The following TMPRSS9 variants were observed in gnomAD, a reference collection of about 807,000 sequenced individuals.
TMPRSS9 encodes the protein transmembrane protease serine 9.
In TMPRSS9, 113 loss-of-function variants were observed where a neutral mutation model predicts 111.4. The ratio of observed to expected loss-of-function variants is 1.01; its 90% CI spans 0.87 to 1.19. The LOEUF is 1.19. Among genes scored for constraint, TMPRSS9 ranks in the 50% most tolerant of loss-of-function variants. The probability of loss-of-function intolerance (pLI) is 0.00; values close to 1 mark genes in which losing one functional copy is unlikely to be tolerated. For synonymous variants in TMPRSS9, 805 were observed against 659.1 expected (o/e 1.22, Z -3.39); for missense variants, 1,803 against 1,513.1 (o/e 1.19, Z -3.18).
At chr19:2,376,409 G>A (rs1018397011) in intron 1 of TMPRSS9, among the ~76,000 whole-genome samples, 2 of 152,108 alleles carry the variant, frequency 1.3e-5, no homozygotes, top group African/African-American at 2.4e-5. Flanking sequence ...ATTAGGACCT[G>A]GATGTCAGAG....
At chr19:2,389,632 T>G, upstream of TMPRSS9, 2 of 860,624 alleles carry the variant, frequency 2.3e-6, no homozygotes, top group Admixed American at 2.9e-5. Flanking sequence ...CCTCCCAAAG[T>G]GCTGGGATGA....
intron 7 of TMPRSS9, among the ~76,000 whole-genome samples, chr19:2,407,769 C>T (rs113720895): frequency 0.059 from 8,834 of 149,974 alleles, 336 homozygotes; most frequent in African/African-American, 0.098. Context: ...AGGTGCACAT[C>T]GCCACACCCC....
At chr19:2,401,896 C>T in intron 4 of TMPRSS9, 79 bp from the exon 6 acceptor site, 1 of 1,349,978 alleles carries the variant, frequency 7.4e-7, no homozygotes, top group Non-Finnish European at 1.0e-6. Flanking sequence ...GTGTGAGCCA[C>T]CGCGCCCGGC....
intron 7 of TMPRSS9, among the ~76,000 whole-genome samples, chr19:2,406,142 C>G (rs1192431597): frequency 6.7e-6 from 1 of 150,324 alleles, no homozygotes; most frequent in African/African-American, 2.5e-5. Flanking sequence ...TCCCGAGTAG[C>G]TGGGAATACA....
rs765439744 is a variant in TMPRSS9, at chr19:2,425,057, G to A, written c.2773G>A (p.Ala925Thr). Residue 925 changes from alanine to threonine, a missense_variant, in exon 16 of 18, where the codon GCG becomes ACG. Ala to Thr is a moderately conservative substitution (Grantham distance 58). Transcript: ENST00000648592. ...CCTAGGCACGCCGTTCCTGAGCGGC[G>A]CGGAGGGGCAGCTGGAGCGCGTGGC... 119 of 1,566,894 alleles carry A rather than the reference G, an allele frequency of 7.6e-5. No homozygotes were observed. Among genetic ancestry groups the A allele is most frequent in the Non-Finnish European group, 9.9e-5 (115 of 1,164,244 alleles).
At chr19:2,399,272 C>A in intron 4 of TMPRSS9, 79 bp downstream of exon 5, 1 of 1,471,518 alleles carries the variant, frequency 6.8e-7, no homozygotes, top group Non-Finnish European at 9.0e-7. Flanking sequence ...ATTTTGATAA[C>A]CACCCCTTCC....
intron 16 of TMPRSS9, 44 bp from the exon 18 acceptor site, chr19:2,425,313 C>T (rs1432436092): frequency 1.6e-6 from 2 of 1,251,900 alleles, no homozygotes; most frequent in Non-Finnish European, 2.0e-6. Flanking sequence ...GGGGGGCGGC[C>T]GGACGCGGTC....
At chr19:2,374,616 G>C (rs1219796672) in intron 1 of TMPRSS9, among the ~76,000 whole-genome samples, 1 of 151,990 alleles carries the variant, frequency 6.6e-6, no homozygotes, top group Non-Finnish European at 1.5e-5. Context: ...TCAAAAACAG[G>C]GTCTTTGTTT....
At chr19:2,393,998 T>G (rs1460789826) in intron 1 of TMPRSS9, among the ~76,000 whole-genome samples, 1 of 151,196 alleles carries the variant, frequency 6.6e-6, no homozygotes, top group African/African-American at 2.4e-5. Flanking sequence ...GTCAGGAGAT[T>G]GAAACCATCC....
At chr19:2,385,309 C>T (rs1970457143), upstream of TMPRSS9, among the ~76,000 whole-genome samples, 1 of 152,116 alleles carries the variant, frequency 6.6e-6, no homozygotes, top group Non-Finnish European at 1.5e-5. Flanking sequence ...CCTGTTACAT[C>T]CCTCAGGGGC....
At chr19:2,406,476 G>A (rs531475373) in intron 7 of TMPRSS9, among the ~76,000 whole-genome samples, 13 of 148,654 alleles carry the variant, frequency 8.7e-5, no homozygotes, top group South Asian at 6.4e-4. Context: ...ACAGGTGCAC[G>A]CCACCATGCC....
intron 7 of TMPRSS9, among the ~76,000 whole-genome samples, chr19:2,407,896 G>C (rs1447799129): frequency 3.3e-5 from 5 of 151,924 alleles, no homozygotes; most frequent in Admixed American, 6.6e-5. Context: ...GCAATTCTCT[G>C]CCTCAGCCTC....
chr19:2,373,437 C>T lies in TMPRSS9; in HGVS notation c.-26+13077C>T, dbSNP rs528852911. Among the ~76,000 whole-genome samples, 9 of 151,624 alleles carry T rather than the reference C, an allele frequency of 5.9e-5. No individual in the cohort carries two copies. The South Asian group carries it at 1.9e-3, about 32-fold the overall frequency. On this transcript the variant is annotated intron_variant, in intron 1 of 17. Transcript: ENST00000649857. ...TAGAGATAGGGTTTTGTGATGTTGG[C>T]CAGGCTGGTCTCAAACGCCTGGCCT...
chr19:2,418,012 C>G, exon 13 of TMPRSS9: 2 of 1,611,522 alleles, frequency 1.2e-6, no homozygotes, highest in South Asian at 1.1e-5. Context: ...CCACCAAGCC[C>G]GAGCTCCTGC....
At chr19:2,367,477 C>T (rs1214196050) in intron 1 of TMPRSS9, among the ~76,000 whole-genome samples, 1 of 151,994 alleles carries the variant, frequency 6.6e-6, no homozygotes, top group African/African-American at 2.4e-5. Context: ...TCCCTGCAAC[C>T]TCTGCCTCCT....
intron 9 of TMPRSS9, among the ~76,000 whole-genome samples, chr19:2,413,137 G>T (rs1971132007): frequency 6.6e-6 from 1 of 152,168 alleles, no homozygotes; most frequent in African/African-American, 2.4e-5. Context: ...GGAGGTTGCA[G>T]TGAGCCGAGA....
intron 1 of TMPRSS9, among the ~76,000 whole-genome samples, chr19:2,368,562 C>T (rs916263258): frequency 1.6e-4 from 25 of 152,014 alleles, no homozygotes; most frequent in South Asian, 1.0e-3. Context: ...TCACCTGACG[C>T]GGGTCTTAGC....
upstream of TMPRSS9, among the ~76,000 whole-genome samples, chr19:2,388,542 G>T (rs1970521299): frequency 6.6e-6 from 1 of 152,194 alleles, no homozygotes; most frequent in Non-Finnish European, 1.5e-5. Context: ...GCCCAGGCCT[G>T]CCCACAGCTC....
intron 1 of TMPRSS9, among the ~76,000 whole-genome samples, chr19:2,393,437 C>T (rs1019657046): frequency 6.6e-5 from 10 of 152,258 alleles, no homozygotes; most frequent in Admixed American, 3.9e-4. Context: ...GAAGAAATTC[C>T]GAACACATCC....
Sources: allele counts gnomAD v4.1 joint callset (sites outside exome capture counted in the v4.1 genomes callset), GRCh38; gene constraint gnomAD v4.1.1; transcripts MANE v1.5; gene names NCBI Gene and HGNC (gene_info 2026-07-23, HGNC 2026-07-21).